ZBBX: variants seen among roughly 807,000 people sequenced by gnomAD.
ZBBX encodes zinc finger B-box domain containing.
ZBBX carries 101 observed loss-of-function variants against 108.5 expected under a neutral mutation model. That is an observed-to-expected ratio of 0.93 (90% CI 0.79 to 1.10). The LOEUF (loss-of-function observed/expected upper bound fraction) is 1.10, where lower values mean the gene tolerates loss of function less well. Among genes scored for constraint, ZBBX ranks in the 50% least tolerant of loss-of-function variants. ZBBX has a pLI of 0.00. For synonymous variants in ZBBX, 356 were observed against 323.4 expected (o/e 1.10, Z -1.08); for missense variants, 1,009 against 941.4 (o/e 1.07, Z -0.94).
chr3:167,297,827 C>T (rs1731933143), intron 18 of ZBBX, among the ~76,000 whole-genome samples: 1 of 151,890 alleles, frequency 6.6e-6, no homozygotes, highest in Non-Finnish European at 1.5e-5. Context: ...ATCTAAGCTA[C>T]AATATTGTAC....
At chr3:167,336,077 TA>T (rs1165815698) in intron 9 of ZBBX, among the ~76,000 whole-genome samples, 2 of 152,088 alleles carry the variant, frequency 1.3e-5, no homozygotes, top group African/African-American at 4.8e-5. Context: ...GTTTTCATTT[TA>T]TTTTTTTTAA....
the ZBBX span, among the ~76,000 whole-genome samples, chr3:167,233,407 C>T: frequency 2.2e-4 from 33 of 151,728 alleles, no homozygotes; most frequent in South Asian, 4.1e-4. Context: ...AGTTAGAGAC[C>T]TGAATGAACC....
chr3:167,339,776 C>T (rs1057289713), intron 9 of ZBBX, among the ~76,000 whole-genome samples: 2 of 152,044 alleles, frequency 1.3e-5, no homozygotes, highest in African/African-American at 4.8e-5. Context: ...AGGTTTTAAG[C>T]CCTGCATGCA....
At chr3:167,205,102 G>C in the ZBBX span, among the ~76,000 whole-genome samples, 1 of 152,058 alleles carries the variant, frequency 6.6e-6, no homozygotes, top group Non-Finnish European at 1.5e-5. Flanking sequence ...TCTGTGGCAG[G>C]GCAGGAGAAA....
chr3:167,400,144 T>G (rs1577148544), intron 1 of ZBBX, among the ~76,000 whole-genome samples: 1 of 152,280 alleles, frequency 6.6e-6, no homozygotes, highest in East Asian at 1.9e-4. Flanking sequence ...TTTTTTATTG[T>G]GAATAATGCT....
intron 1 of ZBBX, among the ~76,000 whole-genome samples, chr3:167,407,266 A>C (rs919541781): frequency 6.6e-6 from 1 of 152,228 alleles, no homozygotes; most frequent in Non-Finnish European, 1.5e-5. Context: ...TCAAGTGTAA[A>C]TACATTAACT....
chr3:167,339,326 A>G (rs1237314088), intron 9 of ZBBX, among the ~76,000 whole-genome samples: 1 of 152,144 alleles, frequency 6.6e-6, no homozygotes, highest in East Asian at 1.9e-4. Context: ...AGCCATCTAG[A>G]AAAACTATGA....
the ZBBX span, among the ~76,000 whole-genome samples, chr3:167,215,977 C>A: frequency 6.6e-5 from 10 of 152,052 alleles, no homozygotes; most frequent in Non-Finnish European, 1.0e-4. Flanking sequence ...AAGAAACATA[C>A]CTCAAAATAA....
At chr3:167,233,055 C>T in the ZBBX span, among the ~76,000 whole-genome samples, 1 of 151,786 alleles carries the variant, frequency 6.6e-6, no homozygotes, top group African/African-American at 2.4e-5. Flanking sequence ...TATAAACCTC[C>T]CTTTGAGTCC....
chr3:167,363,585 C>T (rs1560185760), intron 6 of ZBBX, among the ~76,000 whole-genome samples: 1 of 151,378 alleles, frequency 6.6e-6, no homozygotes, highest in Non-Finnish European at 1.5e-5. Context: ...GACCACACAC[C>T]CAGCAACTGG....
chr3:167,286,491 A>G (rs550954464), intron 19 of ZBBX, among the ~76,000 whole-genome samples: 1 of 152,284 alleles, frequency 6.6e-6, no homozygotes, highest in South Asian at 2.1e-4. Flanking sequence ...CTGACTATAA[A>G]TAGTAGAATA....
chr3:167,264,759 T>C (rs1325068998), intron 20 of ZBBX, among the ~76,000 whole-genome samples: 5 of 152,232 alleles, frequency 3.3e-5, no homozygotes, highest in African/African-American at 1.2e-4. Context: ...GAGGTTCTAT[T>C]CTACTGCAGC....
intron 20 of ZBBX, among the ~76,000 whole-genome samples, chr3:167,270,243 G>C (rs1028002242): frequency 6.6e-6 from 1 of 152,178 alleles, no homozygotes; most frequent in Admixed American, 6.5e-5. Context: ...GTGGAGAATA[G>C]TGCCGGAGCA....
chr3:167,202,509 A>C, the ZBBX span, among the ~76,000 whole-genome samples: 1 of 152,182 alleles, frequency 6.6e-6, no homozygotes, highest in Non-Finnish European at 1.5e-5. Flanking sequence ...AAAGAATCTA[A>C]AGACAATATC....
the ZBBX span, among the ~76,000 whole-genome samples, chr3:167,179,134 C>A: frequency 6.6e-6 from 1 of 151,524 alleles, no homozygotes; most frequent in Non-Finnish European, 1.5e-5. Context: ...GGCATGTAGC[C>A]CAGACAAAGT....
At chr3:167,312,092 T>G (rs981505475) in intron 16 of ZBBX, among the ~76,000 whole-genome samples, 1 of 152,156 alleles carries the variant, frequency 6.6e-6, no homozygotes, top group Non-Finnish European at 1.5e-5. Context: ...AATTGAATAT[T>G]ATTTAGCACT....
the ZBBX span, among the ~76,000 whole-genome samples, chr3:167,194,603 T>C: frequency 6.6e-6 from 1 of 152,206 alleles, no homozygotes; most frequent in Non-Finnish European, 1.5e-5. Context: ...CAGAGAGCTG[T>C]CAATGACAAA....
intron 9 of ZBBX, among the ~76,000 whole-genome samples, chr3:167,339,278 T>C (rs1188424431): frequency 1.3e-5 from 2 of 152,096 alleles, no homozygotes; most frequent in Non-Finnish European, 2.9e-5. Flanking sequence ...GTTCTGACTG[T>C]TTTAGGGACT....
chr3:167,388,148 C>G (rs920752461), intron 1 of ZBBX, among the ~76,000 whole-genome samples: 1 of 151,894 alleles, frequency 6.6e-6, no homozygotes, highest in Non-Finnish European at 1.5e-5. Flanking sequence ...CACAGAAAAC[C>G]TCTCTGAGCA....
Sources: gnomAD v4.1 joint callset for allele counts (sites outside exome capture counted in the v4.1 genomes callset) on GRCh38, gnomAD v4.1.1 for gene constraint, MANE v1.5 for transcripts, NCBI Gene and HGNC (gene_info 2026-07-23, HGNC 2026-07-21) for gene names.